Variants in DOP1B observed in about 807,000 individuals in gnomAD.
DOP1B encodes DOP1 leucine zipper like protein B, also known as protein DOP1B.
In DOP1B, 174 loss-of-function variants were observed where a neutral mutation model predicts 233.5. That is an observed-to-expected ratio of 0.75 (90% CI 0.66 to 0.85). The LOEUF is 0.85. DOP1B is among the 40% of genes least tolerant of loss of function. DOP1B has a pLI of 0.00. For synonymous variants in DOP1B, 1,190 were observed against 1,185.6 expected, an observed-to-expected ratio of 1.00 and a Z score of -0.08; for missense variants, 2,652 against 2,846.6, an observed-to-expected ratio of 0.93 and a Z score of 1.56.
Position 36,191,213 on chromosome 21 carries a change from G to A in DOP1B, c.139-7857G>A, listed in dbSNP as rs2066230138. On this transcript the variant is annotated intron_variant, in intron 2 of 36. Transcript: ENST00000691173. ...TGGGGGAAGGGTGAAGACGCTGTCA[G>A]AGAATAAGACATACCCCACTAGAAC... 2.7e-5 allele frequency among the ~76,000 whole-genome samples: 4 copies of A among 149,690 alleles called. No homozygotes were observed. In the South Asian group the frequency reaches 8.4e-4, roughly 31 times the overall value.
intron 24 of DOP1B, 26 bp from the exon 25 acceptor site, chr21:36,263,515 TGAGTA>T: frequency 6.4e-7 from 1 of 1,573,406 alleles, no homozygotes; most frequent in Non-Finnish European, 8.7e-7. Flanking sequence ...TGTTCGTGGT[TGAGTA>T]TTTTTCCTAT....
chr21:36,187,632 G>C (rs2066179458), intron 2 of DOP1B, among the ~76,000 whole-genome samples: 1 of 144,198 alleles, frequency 6.9e-6, no homozygotes, highest in Admixed American at 6.9e-5. Context: ...TTTGAGACAG[G>C]GTCTCACTTT....
Position 36,288,023 on chromosome 21 carries a change from C to A in DOP1B, c.6170C>A (p.Thr2057Lys). Reference protein sequence around the residue: ...LYLPLIQERLTDNLRVGQTSI... With the variant: ...LYLPLIQERLKDNLRVGQTSI... ...AATCTTCTTTCCTTAGAACGCCTGA[C>A]AGACAATCTCAGAGTTGGACAGACA... is the stretch of plus-strand genomic sequence containing the variant. The change falls in exon 33 of 37, where the codon ACA becomes AAA. Residue 2057 changes from threonine (T) to lysine (K), a missense_variant. Thr to Lys is a moderately conservative substitution (Grantham distance 78). Transcript: ENST00000691173. The A allele has an allele frequency of 6.2e-7, 1 of 1,613,134 alleles. No individual in the cohort carries two copies. Among genetic ancestry groups the A allele is most frequent in the Non-Finnish European group, 8.5e-7 (1 of 1,179,820 alleles).
intron 2 of DOP1B, among the ~76,000 whole-genome samples, chr21:36,165,727 T>C (rs1307555530): frequency 1.3e-5 from 2 of 151,212 alleles, no homozygotes; most frequent in East Asian, 3.9e-4. Flanking sequence ...TCTTTTTTTT[T>C]TTTTTTTTGA....
chr21:36,157,828 T>TA (rs1237458822), intron 1 of DOP1B, among the ~76,000 whole-genome samples: 11 of 152,204 alleles, frequency 7.2e-5, no homozygotes, highest in African/African-American at 2.4e-4. Flanking sequence ...TGTTTTTGCT[T>TA]ATGTGGTAGG....
chr21:36,241,503 C>CTTTTTTT (rs1165636640), intron 18 of DOP1B, among the ~76,000 whole-genome samples: 7 of 76,490 alleles, frequency 9.2e-5, no homozygotes, highest in African/African-American at 2.2e-4. Flanking sequence ...TTATCTTAAT[C>CTTTTTTT]TTTTTTTTTT....
chr21:36,238,849 TC>T, intron 17 of DOP1B, 148 bp downstream of exon 17: 1 of 753,804 alleles, frequency 1.3e-6, no homozygotes. Context: ...ACGCCTGTAA[TC>T]CCAGCCCTTT....
chr21:36,169,841 A>C, intron 2 of DOP1B: 1 of 940,308 alleles, frequency 1.1e-6, no homozygotes, highest in Non-Finnish European at 1.8e-6. Context: ...CACCTTTTGC[A>C]CTCATCGTTG....
At position 36,287,880 on chromosome 21, in the gene DOP1B, T is replaced by C. The variant is rs573336544; in HGVS notation, c.6161-134T>C. 725 of 1,149,450 alleles carry C rather than the reference T, an allele frequency of 6.3e-4. 1 individual carries two copies. Among genetic ancestry groups the C allele is most frequent in the Non-Finnish European group, 8.5e-4 (700 of 828,192 alleles). The allele number at this position is 1,149,450 out of a possible 1,614,324, so 71.2% of individuals were successfully genotyped here. ...GATTACAAGTGCGAGCCACCAAGCCTGGCCTGTAACACTCATTCCTTACAC... is the reference window on the plus strand; with the variant it reads ...GATTACAAGTGCGAGCCACCAAGCCCGGCCTGTAACACTCATTCCTTACAC... On this transcript the variant is annotated intron_variant, in intron 32 of 36. Coordinates refer to ENST00000691173, the MANE Select transcript of DOP1B (RefSeq NM_001320714.2).
chr21:36,259,732 G>A (rs1402129511), intron 23 of DOP1B, among the ~76,000 whole-genome samples: 1 of 152,158 alleles, frequency 6.6e-6, no homozygotes, highest in African/African-American at 2.4e-5. Flanking sequence ...TGTTTAGGTT[G>A]TATTCCTTCA....
chr21:36,189,582 C>T (rs1251862770), intron 2 of DOP1B, among the ~76,000 whole-genome samples: 3 of 151,684 alleles, frequency 2.0e-5, no homozygotes, highest in South Asian at 2.1e-4. Flanking sequence ...TGCTGGTGCA[C>T]GCCTGTAGTC....
At position 36,245,793 on chromosome 21, in the gene DOP1B, C is replaced by A; in HGVS notation, c.3813C>A (p.Ser1271=). The part of the protein sequence containing the change: ...AVSRTSMDTS[S]TAHLNLISNL... The stretch of plus-strand genomic sequence containing the variant: ...CCAGGACTAGCATGGATACCAGCTC[C>A]ACCGCGCACCTCAACCTCATCTCCA... Residue 1271 remains serine (S), a synonymous_variant, in exon 19 of 37, where the codon TCC becomes TCA. Transcript: ENST00000691173. This position sits in a 1 kb window ranked among gnomAD's most constrained non-coding sequence, Gnocchi z 5.5. 1 of 1,614,010 alleles carries A rather than the reference C, an allele frequency of 6.2e-7. No individual in the cohort carries two copies. The highest frequency in any genetic ancestry group is 1.1e-5 in the South Asian group (1 of 91,068).
intron 11 of DOP1B, among the ~76,000 whole-genome samples, chr21:36,223,712 T>G (rs914411339): frequency 3.9e-5 from 6 of 152,160 alleles, no homozygotes; most frequent in African/African-American, 1.4e-4. Flanking sequence ...CTGGATAGAG[T>G]GTTTTTGAAA....
intron 2 of DOP1B, among the ~76,000 whole-genome samples, chr21:36,187,817 T>C (rs2066181334): frequency 6.6e-6 from 1 of 151,952 alleles, no homozygotes; most frequent in Admixed American, 6.6e-5. Context: ...ATGTTGCTGG[T>C]CTTGAACTCC....
rs1451611315 is a variant in DOP1B at position 36,227,757 on chromosome 21, G to A, written c.1545G>A (p.Glu515=). 1.1e-5 allele frequency: 18 copies of A among 1,613,288 alleles called. No individual in the cohort carries two copies. The highest frequency in any genetic ancestry group is 1.4e-5 in the Non-Finnish European group (17 of 1,179,448). The change falls in exon 13 of 37, where the codon GAG becomes GAA. Residue 515 remains glutamate (E), a synonymous_variant. Coordinates refer to ENST00000691173, the MANE Select transcript of DOP1B (RefSeq NM_001320714.2). ...VLGCLVQPLA[E]DMEALSLPEL... is the part of the protein sequence containing the mutation. ...GCTGCCTGGTGCAGCCTCTTGCTGA[G>A]GACATGGAGGCCTTAAGTTTACCTG...
At chr21:36,265,409 C>CA (rs3838086) in intron 26 of DOP1B, among the ~76,000 whole-genome samples, 2 of 151,948 alleles carry the variant, frequency 1.3e-5, no homozygotes, top group African/African-American at 2.4e-5. Flanking sequence ...AAACAAAAAA[C>CA]AAAAAAACAA....
chr21:36,243,554 A>G (rs192186927), intron 18 of DOP1B, among the ~76,000 whole-genome samples: 2 of 152,090 alleles, frequency 1.3e-5, no homozygotes, highest in Admixed American at 1.3e-4. Flanking sequence ...AGTTGATAGA[A>G]CTAGGGATTG....
Position 36,208,897 on chromosome 21 carries a change from A to G in DOP1B, c.674A>G (p.Gln225Arg). 1 of 1,528,672 alleles carries G rather than the reference A, an allele frequency of 6.5e-7. No individual in the cohort carries two copies. Among genetic ancestry groups the G allele is most frequent in the Non-Finnish European group, 8.8e-7 (1 of 1,137,756 alleles). 94.7% of individuals were successfully genotyped at this position (1,528,672 alleles called of 1,614,324 possible). ...AAGTACATGCTGGGGACCAATCACC[A>G]ACTCACGGTGGGTGCTGTGTTCCTC... ...EQKYMLGTNH[Q>R]LTVKSLRASL... is the part of the protein sequence containing the mutation. Residue 225 changes from glutamine to arginine, a missense_variant, in exon 5 of 37, where the codon CAA (glutamine) becomes CGA (arginine). Transcript: ENST00000691173.
In DOP1B at chr21:36,278,195, C is replaced by G. The variant is rs1369116964; in HGVS notation, c.5823-14C>G. On this transcript the variant is annotated splice_polypyrimidine_tract_variant and intron_variant, in intron 29 of 36. Transcript: ENST00000691173. ...CCTTGACCTTGACCCTTCTCTCTTC[C>G]CACTCCCACTCAGTGCCTACAATGC... 6.2e-7 allele frequency: 1 copy of G among 1,613,562 alleles called. No homozygotes were observed. Among genetic ancestry groups the G allele is most frequent in the South Asian group, 1.1e-5 (1 of 91,024 alleles).
Sources: gnomAD v4.1 joint callset for allele counts (sites outside exome capture counted in the v4.1 genomes callset) on GRCh38, gnomAD v4.1.1 for gene constraint, Gnocchi (gnomAD v3.1) non-coding constraint, MANE v1.5 for transcripts, NCBI Gene and HGNC (gene_info 2026-07-23, HGNC 2026-07-21) for gene names.